Variants in TACC2 observed in about 807,000 individuals in gnomAD.
The protein encoded by TACC2 is transforming acidic coiled-coil containing protein 2.
In TACC2, 137 loss-of-function variants were observed where a neutral mutation model predicts 227.3. That is an observed-to-expected ratio of 0.60 (90% CI 0.52 to 0.69). The LOEUF (loss-of-function observed/expected upper bound fraction) is 0.69. TACC2 is among the 30% of genes least tolerant of loss of function. The probability of loss-of-function intolerance (pLI) is 0.00; values close to 1 mark genes in which losing one functional copy is unlikely to be tolerated. For missense variants in TACC2, 3,470 were observed against 3,694.4 expected, an observed-to-expected ratio of 0.94 and a Z score of 1.57; for synonymous variants, 1,523 against 1,487.5, an observed-to-expected ratio of 1.02 and a Z score of -0.55.
In TACC2 at chr10:122,132,652, G is replaced by A. The variant is rs772966997; in HGVS notation, c.5617G>A (p.Asp1873Asn). 6.2e-7 allele frequency: 1 copy of A among 1,614,210 alleles called. No homozygotes were observed. Among genetic ancestry groups the A allele is most frequent in the Non-Finnish European group, 8.5e-7 (1 of 1,180,036 alleles). ...TATCATCCAGCCCGCTGCCCCCGCA[G>A]ACCTGGAAAGCCCAACCTTAGCTGC... ...DDIIQPAAPA[D>N]LESPTLAASS... The change falls in exon 6 of 23, where the codon GAC (aspartate) becomes AAC (asparagine). Residue 1873 changes from aspartate to asparagine, a missense_variant. Asp to Asn is a conservative substitution (Grantham distance 23). Transcript: ENST00000369005.
intron 2 of TACC2, among the ~76,000 whole-genome samples, chr10:122,025,109 G>A (rs1034703738): frequency 6.6e-6 from 1 of 152,162 alleles, no homozygotes; most frequent in African/African-American, 2.4e-5. Flanking sequence ...TCTGATAGGT[G>A]TGTTGTAATA....
chr10:122,008,417 G>T lies in TACC2; in HGVS notation c.-45-13520G>T, dbSNP rs7916113. Among the ~76,000 whole-genome samples, 565 of 151,704 alleles carry T rather than the reference G, an allele frequency of 3.7e-3. 4 individuals are homozygous for T. The highest frequency in any genetic ancestry group is 0.013 in the African/African-American group (535 of 41,328). On this transcript the variant is annotated intron_variant, in intron 1 of 22. Coordinates refer to ENST00000369005, the MANE Select transcript of TACC2 (RefSeq NM_206862.4). Reference sequence around the variant, plus strand: ...CCGGGATTACAGGCATGTGCCACCAGGCCTGGCTAATATTGTAGTTTCAGT... The same window carrying T: ...CCGGGATTACAGGCATGTGCCACCATGCCTGGCTAATATTGTAGTTTCAGT...
intron 5 of TACC2, among the ~76,000 whole-genome samples, chr10:122,106,388 G>T (rs2082807910): frequency 6.6e-6 from 1 of 152,212 alleles, no homozygotes; most frequent in African/African-American, 2.4e-5. Flanking sequence ...GATTGCAGAT[G>T]CTGGTGGGTA....
chr10:122,097,883 G>A (rs773123840), intron 5 of TACC2, among the ~76,000 whole-genome samples: 1 of 152,140 alleles, frequency 6.6e-6, no homozygotes, highest in African/African-American at 2.4e-5. Flanking sequence ...CATCCCCACA[G>A]CCAGCTCAGC....
intron 15 of TACC2, among the ~76,000 whole-genome samples, chr10:122,229,823 G>T (rs1456098362): frequency 6.6e-6 from 1 of 152,176 alleles, no homozygotes; most frequent in Non-Finnish European, 1.5e-5. Context: ...GAGCCAAGCC[G>T]TTTATATATA....
Position 122,164,950 on chromosome 10 carries a change from G to T in TACC2, c.5834+21244G>T, listed in dbSNP as rs548526987. On this transcript the variant is annotated intron_variant, in intron 7 of 22. Coordinates refer to ENST00000369005, the MANE Select transcript of TACC2 (RefSeq NM_206862.4). ...TGTTGTAGGAGGGATGGGGCCCCGG[G>T]GGGTACTTCCTCACTGGTCCCTCGA... Among the ~76,000 whole-genome samples, 10 of 152,260 alleles carry T rather than the reference G, an allele frequency of 6.6e-5. No individual in the cohort carries two copies. The East Asian group carries it at 1.9e-3, about 29-fold the overall frequency.
intron 7 of TACC2, among the ~76,000 whole-genome samples, chr10:122,190,774 G>A (rs1464565507): frequency 6.6e-6 from 1 of 152,098 alleles, no homozygotes; most frequent in African/African-American, 2.4e-5. Flanking sequence ...AGAAACCAAC[G>A]GGCATCCGGC....
intron 22 of TACC2, among the ~76,000 whole-genome samples, chr10:122,251,392 C>G (rs920065491): frequency 6.6e-6 from 1 of 152,176 alleles, no homozygotes; most frequent in Non-Finnish European, 1.5e-5. Flanking sequence ...TCACAACTGT[C>G]AAGTGCAAGT....
intron 5 of TACC2, among the ~76,000 whole-genome samples, chr10:122,102,021 A>C (rs6585785): frequency 0.44 from 66,575 of 151,822 alleles, 14,891 homozygotes; most frequent in Non-Finnish European, 0.47. Context: ...CGATTTCATC[A>C]TTGTGCAAAC....
At chr10:122,135,078 C>T (rs1230000203) in intron 6 of TACC2, among the ~76,000 whole-genome samples, 2 of 152,182 alleles carry the variant, frequency 1.3e-5, no homozygotes, top group African/African-American at 4.8e-5. Context: ...GTCATGGCTG[C>T]CATCTCACAG....
At chr10:122,091,180 GC>G (rs2080773305) in intron 5 of TACC2, among the ~76,000 whole-genome samples, 1 of 152,002 alleles carries the variant, frequency 6.6e-6, no homozygotes, top group South Asian at 2.1e-4. Flanking sequence ...GTCTAGCATA[GC>G]AGCCCCTGGC....
At chr10:122,080,916 A>ATTTTCC (rs1265563181) in intron 3 of TACC2, among the ~76,000 whole-genome samples, 1 of 152,144 alleles carries the variant, frequency 6.6e-6, no homozygotes, top group Non-Finnish European at 1.5e-5. Context: ...GATTCCATAA[A>ATTTTCC]TTTTCCTTTG....
intron 7 of TACC2, among the ~76,000 whole-genome samples, chr10:122,171,023 G>GTAGATTAGGAGCCGTGAGCAA (rs2093445194): frequency 6.6e-6 from 1 of 150,558 alleles, no homozygotes; most frequent in African/African-American, 2.5e-5. Context: ...GCTGTGAGCA[G>GTAGATTAGGAGCCGTGAGCAA]TAGATTAGGG....
intron 16 of TACC2, among the ~76,000 whole-genome samples, chr10:122,231,494 T>C (rs1163626286): frequency 6.6e-6 from 1 of 152,046 alleles, no homozygotes; most frequent in Non-Finnish European, 1.5e-5. Context: ...GCTTGACACA[T>C]AGTAGGTGTG....
chr10:122,066,115 G>C (rs1219272378), intron 3 of TACC2, among the ~76,000 whole-genome samples: 7 of 114,274 alleles, frequency 6.1e-5, no homozygotes, highest in African/African-American at 1.3e-4. Context: ...TTTTTTTTTT[G>C]AGACAGGGTC....
intron 3 of TACC2, among the ~76,000 whole-genome samples, chr10:122,081,670 C>T (rs1401400639): frequency 6.6e-6 from 1 of 152,172 alleles, no homozygotes; most frequent in Admixed American, 6.5e-5. Context: ...CAAGTTCCCC[C>T]AAGTTCCCTG....
At chr10:122,168,349 T>C (rs1418202056) in intron 7 of TACC2, among the ~76,000 whole-genome samples, 2 of 152,170 alleles carry the variant, frequency 1.3e-5, no homozygotes, top group East Asian at 1.9e-4. Flanking sequence ...TTGGACACAA[T>C]AGAGTTTTTT....
chr10:121,993,626 TTTTG>T (rs1208818816), intron 1 of TACC2, among the ~76,000 whole-genome samples: 4 of 152,144 alleles, frequency 2.6e-5, no homozygotes, highest in Non-Finnish European at 5.9e-5. Flanking sequence ...GTTTTTTGTT[TTTTG>T]TTTGTTTGTT....
At chr10:122,012,335 G>A (rs557382250) in intron 1 of TACC2, among the ~76,000 whole-genome samples, 3 of 147,800 alleles carry the variant, frequency 2.0e-5, no homozygotes, top group East Asian at 2.1e-4. Flanking sequence ...CTGGAGAATC[G>A]CTTGAACCCA....
Sources: gnomAD v4.1 joint callset for allele counts (sites outside exome capture counted in the v4.1 genomes callset) on GRCh38, gnomAD v4.1.1 for gene constraint, MANE v1.5 for transcripts, NCBI Gene and HGNC (gene_info 2026-07-23, HGNC 2026-07-21) for gene names.